The following JMJD1C variants were observed in gnomAD, a reference collection of about 807,000 sequenced individuals.
The protein encoded by JMJD1C is jumonji domain-containing protein 1C.
In JMJD1C, 31 loss-of-function variants were observed where a neutral mutation model predicts 245.3. That is an observed-to-expected ratio of 0.13 (90% CI 0.09 to 0.17). JMJD1C has a LOEUF of 0.17. Among genes scored for constraint, JMJD1C ranks in the 10% least tolerant of loss-of-function variants. The pLI is 1.00. For synonymous variants in JMJD1C, 1,057 were observed against 1,017.4 expected (o/e 1.04, Z -0.74); for missense variants, 2,691 against 3,000.2 (o/e 0.90, Z 2.41).
chr10:63,184,133 G>T (rs1181872676), intron 21 of JMJD1C, among the ~76,000 whole-genome samples: 2 of 151,948 alleles, frequency 1.3e-5, no homozygotes, highest in African/African-American at 4.8e-5. Context: ...CACCATGTCA[G>T]CCAGGGTGGT....
chr10:63,179,260 T>C (rs913003210), intron 22 of JMJD1C, among the ~76,000 whole-genome samples: 1 of 151,590 alleles, frequency 6.6e-6, no homozygotes, highest in Non-Finnish European at 1.5e-5. Context: ...AAATACAAAA[T>C]TAGCTGGGTG....
intron 21 of JMJD1C, among the ~76,000 whole-genome samples, chr10:63,183,918 C>T (rs1365748929): frequency 1.3e-5 from 2 of 152,198 alleles, no homozygotes; most frequent in African/African-American, 4.8e-5. Context: ...AATCATTAGA[C>T]AATTTGTAGG....
At chr10:63,332,855 T>C (rs548887909) in intron 2 of JMJD1C, among the ~76,000 whole-genome samples, 5 of 152,350 alleles carry the variant, frequency 3.3e-5, no homozygotes, top group African/African-American at 9.6e-5. Flanking sequence ...ACTTATGCTG[T>C]CTAGGAATAC....
chr10:63,248,883 T>C (rs1295210443), intron 3 of JMJD1C, among the ~76,000 whole-genome samples: 5 of 152,242 alleles, frequency 3.3e-5, no homozygotes, highest in Admixed American at 6.5e-5. Context: ...ATAATGAATA[T>C]TGTCCTGGCC....
At chr10:63,201,686 T>C (rs1193217627) in intron 10 of JMJD1C, among the ~76,000 whole-genome samples, 3 of 152,032 alleles carry the variant, frequency 2.0e-5, no homozygotes, top group African/African-American at 7.2e-5. Flanking sequence ...TCCCAGTACT[T>C]TGGGAGGCTG....
chr10:63,337,533 G>A (rs1942882840), intron 2 of JMJD1C, among the ~76,000 whole-genome samples: 1 of 103,034 alleles, frequency 9.7e-6, no homozygotes, highest in African/African-American at 4.2e-5. Flanking sequence ...GGGAAGGGAG[G>A]GGAGGGGAGG....
chr10:63,241,987 C>G (rs565707740), intron 3 of JMJD1C, among the ~76,000 whole-genome samples: 22 of 152,220 alleles, frequency 1.4e-4, no homozygotes, highest in Admixed American at 1.4e-3. Flanking sequence ...AGGAAGCTAA[C>G]GGGGTTCCTG....
intron 3 of JMJD1C, among the ~76,000 whole-genome samples, chr10:63,230,023 T>C (rs1243598526): frequency 6.6e-6 from 1 of 152,146 alleles, no homozygotes; most frequent in Non-Finnish European, 1.5e-5. Flanking sequence ...TTAAAGACAA[T>C]GTCTAGCATG....
chr10:63,335,052 T>C (rs1207028856), intron 2 of JMJD1C, among the ~76,000 whole-genome samples: 9 of 144,604 alleles, frequency 6.2e-5, no homozygotes, highest in Admixed American at 6.1e-4. Flanking sequence ...AAAAATATTG[T>C]TCCTAACTAA....
chr10:63,481,782 T>C (rs1184641013), intron 1 of JMJD1C, among the ~76,000 whole-genome samples: 1 of 151,848 alleles, frequency 6.6e-6, no homozygotes, highest in African/African-American at 2.4e-5. Context: ...CAAAACAAGG[T>C]AGTAAGACAC....
intron 2 of JMJD1C, among the ~76,000 whole-genome samples, chr10:63,305,629 CGTGT>C (rs36038855): frequency 0.042 from 5,160 of 121,598 alleles, 138 homozygotes; most frequent in South Asian, 0.11. Context: ...ACCATGCTGG[CGTGT>C]GTGTGTGTGT....
At chr10:63,496,753 C>T (rs1048065928) in intron 1 of JMJD1C, among the ~76,000 whole-genome samples, 3 of 152,188 alleles carry the variant, frequency 2.0e-5, no homozygotes, top group African/African-American at 7.2e-5. Context: ...GTTTATATTT[C>T]CCTGCTCAAT....
intron 8 of JMJD1C, among the ~76,000 whole-genome samples, chr10:63,213,237 A>G (rs1847580075): frequency 6.6e-6 from 1 of 151,680 alleles, no homozygotes; most frequent in African/African-American, 2.4e-5. Flanking sequence ...ATCTATAATA[A>G]ATAAATATTA....
intron 12 of JMJD1C, among the ~76,000 whole-genome samples, chr10:63,198,060 A>T (rs569068523): frequency 6.6e-6 from 1 of 152,256 alleles, no homozygotes; most frequent in Non-Finnish European, 1.5e-5. Context: ...GTACTTAAGT[A>T]AACATAATTA....
At position 63,288,917 on chromosome 10, in the gene JMJD1C, AATAATAATAATG is replaced by A. The variant is rs201644747; in HGVS notation, c.334-24165_334-24154del. On this transcript the variant is annotated intron_variant, in intron 2 of 25. Transcript: ENST00000399262. ...TAATAATAATAATAATAATAATAATAATAATAATAATGATAATAATCTGTATATTTTATTTAA... is the reference window on the plus strand; with the variant it reads ...TAATAATAATAATAATAATAATAATAATAATAATCTGTATATTTTATTTAA... Among the ~76,000 whole-genome samples the A allele has an allele frequency of 5.8e-3, 815 of 139,584 alleles. 9 individuals are homozygous for A. Among genetic ancestry groups the A allele is most frequent in the South Asian group, 0.025 (119 of 4,728 alleles). The allele number at this position is 139,584 out of a possible 152,430, so 91.6% of individuals were successfully genotyped here.
At chr10:63,276,950 T>A (rs192297869) in intron 2 of JMJD1C, among the ~76,000 whole-genome samples, 1 of 126,794 alleles carries the variant, frequency 7.9e-6, no homozygotes, top group East Asian at 2.4e-4. Flanking sequence ...AGTGGCAAGA[T>A]CTCGGCTCAT....
chr10:63,368,385 A>C (rs142266023), intron 2 of JMJD1C, among the ~76,000 whole-genome samples: 1 of 152,200 alleles, frequency 6.6e-6, no homozygotes, highest in Non-Finnish European at 1.5e-5. Context: ...ACCTTACTAT[A>C]TAACAGCACA....
chr10:63,412,327 T>G (rs983740570), intron 1 of JMJD1C, among the ~76,000 whole-genome samples: 1 of 152,196 alleles, frequency 6.6e-6, no homozygotes, highest in Non-Finnish European at 1.5e-5. Flanking sequence ...GAAAATACAT[T>G]TACAGTACTG....
intron 3 of JMJD1C, among the ~76,000 whole-genome samples, chr10:63,231,411 C>G (rs1338547638): frequency 2.0e-5 from 3 of 152,180 alleles, no homozygotes; most frequent in Non-Finnish European, 4.4e-5. Flanking sequence ...ATCAAAAACA[C>G]TGATTAGTTA....
Sources: gnomAD v4.1 joint callset for allele counts (sites outside exome capture counted in the v4.1 genomes callset) on GRCh38, gnomAD v4.1.1 for gene constraint, MANE v1.5 for transcripts, NCBI Gene and HGNC (gene_info 2026-07-23, HGNC 2026-07-21) for gene names.